The following ATP11B variants were observed in gnomAD, a reference collection of about 807,000 sequenced individuals.
ATP11B encodes phospholipid-transporting ATPase IF.
In ATP11B, 81 loss-of-function variants were observed where a neutral mutation model predicts 157.8. The observed-to-expected ratio is 0.51, with a 90% CI of 0.43 to 0.62. ATP11B has a LOEUF of 0.62. ATP11B is among the 20% of genes least tolerant of loss of function. The pLI, the probability that ATP11B is intolerant of heterozygous loss-of-function variation, is 0.00. For synonymous variants in ATP11B, 451 were observed against 469.4 expected, an observed-to-expected ratio of 0.96 and a Z score of 0.51; for missense variants, 1,165 against 1,402.2, an observed-to-expected ratio of 0.83 and a Z score of 2.70.
At chr3:182,860,030 T>G (rs1720715838) in intron 12 of ATP11B, among the ~76,000 whole-genome samples, 1 of 152,032 alleles carries the variant, frequency 6.6e-6, no homozygotes, top group Non-Finnish European at 1.5e-5. Flanking sequence ...CTTTCTGGGC[T>G]TGCTTCTCAG....
rs79371763 is a variant in ATP11B at position 182,897,447 on chromosome 3, A to G, written c.3152+41A>G. 8.2e-4 allele frequency: 1,060 copies of G among 1,298,862 alleles called. 10 individuals carry two copies. The African/African-American group carries it at 0.014, about 18-fold the overall frequency. The allele number at this position is 1,298,862 out of a possible 1,614,324, so 80.5% of individuals were successfully genotyped here. ...GTATTTTAATTGGATTGCTTCAACT[A>G]TAATAAACATTTATTGTGATAGGTT... On this transcript the variant is annotated intron_variant, in intron 27 of 29. Coordinates refer to ENST00000323116, the MANE Select transcript of ATP11B (RefSeq NM_014616.3).
chr3:182,836,940 T>G (rs1425622867), intron 6 of ATP11B, 131 bp from the exon 7 acceptor site: 2 of 651,326 alleles, frequency 3.1e-6, no homozygotes, highest in Non-Finnish European at 2.7e-6. Flanking sequence ...TTTCTTTCTC[T>G]TCTGTTGTCT....
intron 28 of ATP11B, among the ~76,000 whole-genome samples, chr3:182,911,645 T>C (rs1313278933): frequency 6.6e-6 from 1 of 152,108 alleles, no homozygotes; most frequent in Non-Finnish European, 1.5e-5. Flanking sequence ...ACTCCACTAA[T>C]GTAACTGCTG....
intron 28 of ATP11B, among the ~76,000 whole-genome samples, chr3:182,910,072 A>AG (rs1491563430): frequency 3.7e-5 from 3 of 80,186 alleles, no homozygotes; most frequent in African/African-American, 1.6e-4. Flanking sequence ...CTCGGCCTCC[A>AG]GAAAAAAAAA....
At chr3:182,863,002 G>A (rs574514255) in intron 12 of ATP11B, among the ~76,000 whole-genome samples, 35 of 151,792 alleles carry the variant, frequency 2.3e-4, no homozygotes, top group East Asian at 1.2e-3. Flanking sequence ...TGCAAGCTCC[G>A]CCTCCTGGGT....
intron 14 of ATP11B, among the ~76,000 whole-genome samples, chr3:182,866,941 CT>C (rs1721287267): frequency 7.0e-6 from 1 of 142,850 alleles, no homozygotes; most frequent in African/African-American, 2.6e-5. Context: ...ATTTTTTTTT[CT>C]TTTTTTGAGA....
intron 1 of ATP11B, among the ~76,000 whole-genome samples, chr3:182,809,288 G>A (rs1055928986): frequency 1.3e-5 from 2 of 150,876 alleles, no homozygotes; most frequent in African/African-American, 4.9e-5. Context: ...TTGGTCTGTC[G>A]CCCAGGCTGG....
At chr3:182,862,938 C>A (rs1720953858) in intron 12 of ATP11B, among the ~76,000 whole-genome samples, 1 of 151,374 alleles carries the variant, frequency 6.6e-6, no homozygotes, top group South Asian at 2.1e-4. Context: ...ATTTTTGAGA[C>A]AGAGTCTCAC....
chr3:182,868,104 T>C (rs1183257005), intron 15 of ATP11B, among the ~76,000 whole-genome samples: 1 of 152,104 alleles, frequency 6.6e-6, no homozygotes, highest in Non-Finnish European at 1.5e-5. Flanking sequence ...TACTTGTATG[T>C]TTATTTTTAG....
rs150255579 is a variant in ATP11B at position 182,825,856 on chromosome 3, C to T, written c.145-2264C>T. 4.2e-3 allele frequency among the ~76,000 whole-genome samples: 634 copies of T among 151,486 alleles called. 3 individuals are homozygous for T. The highest frequency in any genetic ancestry group is 0.014 in the African/African-American group (589 of 41,274). On this transcript the variant is annotated intron_variant, in intron 2 of 29. Coordinates refer to ENST00000323116, the MANE Select transcript of ATP11B (RefSeq NM_014616.3). Reference sequence around the variant, plus strand: ...CGGAGGTTGCAGTGGGCCAAGATTGCGCCACTGCACTCCAGCCTGGGCAGA... The same window carrying T: ...CGGAGGTTGCAGTGGGCCAAGATTGTGCCACTGCACTCCAGCCTGGGCAGA...
At chr3:182,900,920 G>A (rs1246952445) in intron 28 of ATP11B, among the ~76,000 whole-genome samples, 8 of 150,718 alleles carry the variant, frequency 5.3e-5, no homozygotes, top group African/African-American at 2.0e-4. Flanking sequence ...GGTGGCTCAC[G>A]CTTGTAACCC....
intron 1 of ATP11B, among the ~76,000 whole-genome samples, chr3:182,794,374 A>G (rs1401625119): frequency 1.3e-5 from 2 of 152,162 alleles, no homozygotes; most frequent in African/African-American, 4.8e-5. Flanking sequence ...GAAAGGGGAA[A>G]GACTGTGCCA....
chr3:182,797,016 C>CTT (rs1268022654), intron 1 of ATP11B, among the ~76,000 whole-genome samples: 1 of 152,186 alleles, frequency 6.6e-6, no homozygotes, highest in Non-Finnish European at 1.5e-5. Flanking sequence ...TCTGAACTCC[C>CTT]TCAACTTTCT....
At chr3:182,812,736 GTTACCATTT>G (rs1457806259) in intron 1 of ATP11B, among the ~76,000 whole-genome samples, 1 of 152,104 alleles carries the variant, frequency 6.6e-6, no homozygotes, top group African/African-American at 2.4e-5. Flanking sequence ...TAATATAAAA[GTTACCATTT>G]TAACCATTTT....
At chr3:182,825,566 C>CA (rs1560066877) in intron 2 of ATP11B, among the ~76,000 whole-genome samples, 2 of 151,712 alleles carry the variant, frequency 1.3e-5, no homozygotes, top group African/African-American at 4.8e-5. Context: ...TAAAAAAATA[C>CA]AAAAAAATTA....
chr3:182,851,435 T>C (rs1719970762), intron 10 of ATP11B, among the ~76,000 whole-genome samples: 1 of 152,244 alleles, frequency 6.6e-6, no homozygotes, highest in Non-Finnish European at 1.5e-5. Flanking sequence ...TGGGTCTAAT[T>C]ATTTCTCTTT....
At chr3:182,836,580 T>C in intron 6 of ATP11B, 110 bp downstream of exon 6, 1 of 1,238,010 alleles carries the variant, frequency 8.1e-7, no homozygotes, top group Non-Finnish European at 1.1e-6. Flanking sequence ...TAAGGGGAAG[T>C]TTTTAAAATT....
chr3:182,867,541 T>A, intron 15 of ATP11B, 97 bp downstream of exon 15: 1 of 675,934 alleles, frequency 1.5e-6, no homozygotes, highest in Non-Finnish European at 2.4e-6. Context: ...AAATGTGGCC[T>A]ATATTTTCTG....
At chr3:182,888,120 C>G (rs1193595404) in intron 24 of ATP11B, among the ~76,000 whole-genome samples, 1 of 152,098 alleles carries the variant, frequency 6.6e-6, no homozygotes, top group African/African-American at 2.4e-5. Context: ...AATTCCCACC[C>G]CAGATTCTCT....
Sources: gnomAD v4.1 joint callset for allele counts (sites outside exome capture counted in the v4.1 genomes callset) on GRCh38, gnomAD v4.1.1 for gene constraint, MANE v1.5 for transcripts, NCBI Gene and HGNC (gene_info 2026-07-23, HGNC 2026-07-21) for gene names.